Variants in IL2RB observed in about 807,000 individuals in gnomAD.
IL2RB encodes interleukin 2 receptor subunit beta.
A neutral mutation model predicts 44.2 loss-of-function variants in IL2RB; 17 were observed. The observed-to-expected ratio is 0.38, with a 90% CI of 0.26 to 0.58. The LOEUF (loss-of-function observed/expected upper bound fraction) is 0.58, where lower values mean the gene tolerates loss of function less well. Ranked by LOEUF, IL2RB falls within the 20% of genes least tolerant of loss-of-function variation. IL2RB has a pLI of 0.63. For missense variants in IL2RB, 624 were observed against 685.5 expected (o/e 0.91, Z 1.00); for synonymous variants, 286 against 297.9 (o/e 0.96, Z 0.41).
chr22:37,170,500 C>T (rs958809486), intron 1 of IL2RB, among the ~76,000 whole-genome samples: 4 of 152,162 alleles, frequency 2.6e-5, no homozygotes, highest in African/African-American at 4.8e-5. Context: ...GGGGAAGCAG[C>T]GCCACCCAGG....
chr22:37,164,081 A>G (rs1296764110), intron 1 of IL2RB, among the ~76,000 whole-genome samples: 1 of 152,208 alleles, frequency 6.6e-6, no homozygotes, highest in Non-Finnish European at 1.5e-5. Flanking sequence ...CCTGTATCAC[A>G]CGTGAGGGTG....
At chr22:37,139,034 C>G in intron 5 of IL2RB, 83 bp downstream of exon 5, 1 of 887,456 alleles carries the variant, frequency 1.1e-6, no homozygotes, top group African/African-American at 1.6e-5. Flanking sequence ...GGGAGAAAGG[C>G]TGGAGCAGGG....
At position 37,144,289 on chromosome 22, in the gene IL2RB, C is replaced by T. The variant is rs1353663283; in HGVS notation, c.-33-84G>A. On this transcript the variant is annotated intron_variant, in intron 1 of 9. Coordinates refer to ENST00000216223, the MANE Select transcript of IL2RB (RefSeq NM_000878.5). ...CCTAGAGGCAGGCTGGGCCCGCCCC[C>T]TCAGTGTGCATGGTCTGCACTCCTC... is the stretch of plus-strand genomic sequence containing the variant. 10 of 1,456,612 alleles carry T rather than the reference C, an allele frequency of 6.9e-6. No homozygotes were observed. The South Asian group carries it at 1.0e-4, about 15-fold the overall frequency. The allele number at this position is 1,456,612 out of a possible 1,614,324, so 90.2% of individuals were successfully genotyped here. A position where few individuals can be genotyped will look rare whatever the true frequency, so the allele number is the denominator to read the frequency against.
chr22:37,141,032 G>A lies in IL2RB; in HGVS notation c.282+1402C>T, dbSNP rs946235063. ...CTGGCTGCAGCCGGGAGGCGTAGCT[G>A]GGGTCTCCTGCTCCACGGAGCAGGT... On this transcript the variant is annotated intron_variant, in intron 4 of 9. Transcript: ENST00000216223. The surrounding 1 kb of genome is among the most constrained non-coding windows in gnomAD (Gnocchi z 4.4). 6.6e-6 allele frequency among the ~76,000 whole-genome samples: 1 copy of A among 152,176 alleles called. No individual in the cohort carries two copies. Among genetic ancestry groups the A allele is most frequent in the African/African-American group, 2.4e-5 (1 of 41,452 alleles).
At chr22:37,137,195 C>A (rs1177261147) in intron 6 of IL2RB, among the ~76,000 whole-genome samples, 1 of 152,180 alleles carries the variant, frequency 6.6e-6, no homozygotes, top group Non-Finnish European at 1.5e-5. Flanking sequence ...ATTGAGTGAG[C>A]AGTTGAGTGA....
rs1348544343 is a variant in IL2RB at position 37,141,225 on chromosome 22, G to A, written c.282+1209C>T. On this transcript the variant is annotated intron_variant, in intron 4 of 9. Coordinates refer to ENST00000216223, the MANE Select transcript of IL2RB (RefSeq NM_000878.5). This position sits in a 1 kb window ranked among gnomAD's most constrained non-coding sequence, Gnocchi z 4.4. ...GAGCCAGGTGTCCCTGCACTCTCAG[G>A]GGCCCTGGTCCAAACCCAAGCCTCC... 6.6e-6 allele frequency among the ~76,000 whole-genome samples: 1 copy of A among 151,950 alleles called. No individual in the cohort carries two copies. Among genetic ancestry groups the A allele is most frequent in the Non-Finnish European group, 1.5e-5 (1 of 67,950 alleles).
intron 9 of IL2RB, among the ~76,000 whole-genome samples, chr22:37,131,713 C>A (rs932725903): frequency 6.6e-6 from 1 of 151,356 alleles, no homozygotes; most frequent in Non-Finnish European, 1.5e-5. Context: ...TTCAGCACAC[C>A]GGCAACGGTA....
Position 37,130,092 on chromosome 22 carries a change from C to A in IL2RB, c.904-1244G>T, listed in dbSNP as rs202230906. 6.6e-5 allele frequency among the ~76,000 whole-genome samples: 10 copies of A among 152,328 alleles called. No individual in the cohort carries two copies. The East Asian group carries it at 1.7e-3, about 26-fold the overall frequency. ...ACGTGCACACACCACTCAATTAAAT[C>A]CGCCCCCTTTCTGCAACCAGGAGTT... On this transcript the variant is annotated intron_variant, in intron 9 of 9. Coordinates refer to ENST00000216223, the MANE Select transcript of IL2RB (RefSeq NM_000878.5).
intron 1 of IL2RB, among the ~76,000 whole-genome samples, chr22:37,168,464 GGT>G (rs996866869): frequency 4.6e-5 from 7 of 152,176 alleles, no homozygotes; most frequent in African/African-American, 1.7e-4. Context: ...GTGAGGGCTG[GGT>G]CCCCATCCCA....
At chr22:37,130,308 G>A (rs1281663024) in intron 9 of IL2RB, among the ~76,000 whole-genome samples, 1 of 152,234 alleles carries the variant, frequency 6.6e-6, no homozygotes, top group Non-Finnish European at 1.5e-5. Context: ...GCCAGTGCCG[G>A]TGAGCCAGGG....
chr22:37,163,508 C>T (rs986832208), intron 1 of IL2RB, among the ~76,000 whole-genome samples: 3 of 152,184 alleles, frequency 2.0e-5, no homozygotes, highest in Non-Finnish European at 2.9e-5. Flanking sequence ...AAAGATGCCC[C>T]GCAAGGACTG....
chr22:37,148,800 C>A (rs1344284987), intron 1 of IL2RB, among the ~76,000 whole-genome samples: 3 of 152,102 alleles, frequency 2.0e-5, no homozygotes, highest in Non-Finnish European at 4.4e-5. Flanking sequence ...GGATTTGAAC[C>A]TGGTCAGGTG....
intron 4 of IL2RB, among the ~76,000 whole-genome samples, chr22:37,139,464 T>A (rs1292126486): frequency 6.6e-6 from 1 of 152,182 alleles, no homozygotes; most frequent in East Asian, 1.9e-4. Context: ...GTAGGCAACA[T>A]GTAAATGAAT....
chr22:37,140,741 C>T (rs1464408827), intron 4 of IL2RB, among the ~76,000 whole-genome samples: 1 of 152,094 alleles, frequency 6.6e-6, no homozygotes. Flanking sequence ...CTTTGACAGA[C>T]AATAATTTGA....
upstream of IL2RB, among the ~76,000 whole-genome samples, chr22:37,151,124 A>G (rs1922471320): frequency 6.6e-6 from 1 of 152,130 alleles, no homozygotes; most frequent in Non-Finnish European, 1.5e-5. Context: ...TAGTAGTTCT[A>G]TTTTTAGTGT....
intron 1 of IL2RB, among the ~76,000 whole-genome samples, chr22:37,167,712 T>C (rs955632555): frequency 5.9e-5 from 9 of 152,242 alleles, no homozygotes; most frequent in Non-Finnish European, 1.3e-4. Context: ...CTCATATTCC[T>C]AATTGACTGG....
chr22:37,167,295 G>A (rs539018261), intron 1 of IL2RB, among the ~76,000 whole-genome samples: 4 of 151,946 alleles, frequency 2.6e-5, no homozygotes, highest in South Asian at 4.2e-4. Context: ...AGTGCCAAGC[G>A]CTCACAGTCC....
At chr22:37,154,159 C>T (rs1435126626), upstream of IL2RB, among the ~76,000 whole-genome samples, 1 of 152,192 alleles carries the variant, frequency 6.6e-6, no homozygotes, top group African/African-American at 2.4e-5. Flanking sequence ...AAGTGGGGAG[C>T]AGAATGGGGG....
At chr22:37,130,937 C>T (rs1239274531) in intron 9 of IL2RB, among the ~76,000 whole-genome samples, 5 of 152,296 alleles carry the variant, frequency 3.3e-5, no homozygotes, top group African/African-American at 9.6e-5. Flanking sequence ...GAGGCCGAGG[C>T]GGGCAGATCA....
Sources: allele counts gnomAD v4.1 joint callset (sites outside exome capture counted in the v4.1 genomes callset), GRCh38; gene constraint gnomAD v4.1.1; non-coding constraint Gnocchi (gnomAD v3.1); transcripts MANE v1.5; gene names NCBI Gene and HGNC (gene_info 2026-07-23, HGNC 2026-07-21).